HMGCLL1: variants seen among roughly 807,000 people sequenced by gnomAD.
The protein encoded by HMGCLL1 is 3-hydroxymethyl-3-methylglutaryl-CoA lyase, cytoplasmic.
A neutral mutation model predicts 39.1 loss-of-function variants in HMGCLL1; 36 were observed. The observed-to-expected ratio is 0.92, with a 90% confidence interval of 0.71 to 1.22. HMGCLL1 has a LOEUF of 1.22. HMGCLL1 is among the 50% of genes most tolerant of loss of function. The probability of loss-of-function intolerance (pLI) is 0.00; values close to 1 mark genes in which losing one functional copy is unlikely to be tolerated. For synonymous variants in HMGCLL1, 149 were observed against 144.0 expected (o/e 1.03, Z -0.25); for missense variants, 451 against 416.5 (o/e 1.08, Z -0.72).
At chr6:55,487,647 T>C (rs1475171379) in intron 7 of HMGCLL1, among the ~76,000 whole-genome samples, 3 of 152,062 alleles carry the variant, frequency 2.0e-5, no homozygotes, top group Non-Finnish European at 4.4e-5. Flanking sequence ...TATGGCTGCA[T>C]AGTATTCCAT....
chr6:55,523,554 C>G (rs1768148135), intron 3 of HMGCLL1, among the ~76,000 whole-genome samples: 1 of 151,862 alleles, frequency 6.6e-6, no homozygotes, highest in Non-Finnish European at 1.5e-5. Context: ...ATGTACAAAT[C>G]CAGGCCAGAC....
chr6:55,455,243 T>C (rs1271633285), intron 7 of HMGCLL1, among the ~76,000 whole-genome samples: 1 of 152,232 alleles, frequency 6.6e-6, no homozygotes, highest in African/African-American at 2.4e-5. Context: ...AAGACCTTGC[T>C]AGCTTGAGAC....
At chr6:55,572,831 T>C (rs1281951089) in intron 1 of HMGCLL1, among the ~76,000 whole-genome samples, 2 of 152,180 alleles carry the variant, frequency 1.3e-5, no homozygotes, top group African/African-American at 4.8e-5. Flanking sequence ...ATTAGTTGGA[T>C]AAAATATTAA....
the HMGCLL1 span, among the ~76,000 whole-genome samples, chr6:55,655,135 T>C: frequency 6.6e-6 from 1 of 151,998 alleles, no homozygotes; most frequent in Non-Finnish European, 1.5e-5. Flanking sequence ...CCAGATAAGC[T>C]ATTTTCCCAA....
chr6:55,487,394 C>T (rs1318713143), intron 7 of HMGCLL1, among the ~76,000 whole-genome samples: 1 of 151,978 alleles, frequency 6.6e-6, no homozygotes, highest in Non-Finnish European at 1.5e-5. Context: ...TTTGCTGCAC[C>T]TATCAACCCG....
intron 1 of HMGCLL1, chr6:55,577,292 T>C: frequency 7.6e-7 from 1 of 1,310,234 alleles, no homozygotes; most frequent in Non-Finnish European, 1.0e-6. Flanking sequence ...TTTTTAAAAA[T>C]TCCCGAGAAC....
At chr6:55,514,960 C>T (rs974474850) in intron 4 of HMGCLL1, among the ~76,000 whole-genome samples, 1 of 151,990 alleles carries the variant, frequency 6.6e-6, no homozygotes, top group Non-Finnish European at 1.5e-5. Context: ...CCCCCATTAA[C>T]ACATGGGGGG....
At chr6:55,662,593 G>A in the HMGCLL1 span, among the ~76,000 whole-genome samples, 22,771 of 151,510 alleles carry the variant, frequency 0.15, 2,028 homozygotes, top group Non-Finnish European at 0.2. Flanking sequence ...CAAGAATTTT[G>A]GTTGAAATTT....
intron 3 of HMGCLL1, among the ~76,000 whole-genome samples, chr6:55,520,172 A>C (rs1767963987): frequency 6.6e-6 from 1 of 151,430 alleles, no homozygotes; most frequent in East Asian, 1.9e-4. Context: ...GGGTGCAGCA[A>C]ACCATCATGG....
chr6:55,673,401 T>G, the HMGCLL1 span, among the ~76,000 whole-genome samples: 4 of 151,888 alleles, frequency 2.6e-5, no homozygotes, highest in African/African-American at 7.3e-5. Context: ...GTCCAATGAT[T>G]ACCAATATTA....
At chr6:55,455,098 C>A (rs1478310192) in intron 7 of HMGCLL1, among the ~76,000 whole-genome samples, 1 of 151,794 alleles carries the variant, frequency 6.6e-6, no homozygotes, top group Admixed American at 6.6e-5. Flanking sequence ...CAGAGTGAGA[C>A]CCCCATCTCT....
At chr6:55,471,308 G>A (rs959531001) in intron 7 of HMGCLL1, among the ~76,000 whole-genome samples, 1 of 151,240 alleles carries the variant, frequency 6.6e-6, no homozygotes, top group Non-Finnish European at 1.5e-5. Context: ...ATATGGCACA[G>A]TTTGATCCAA....
the HMGCLL1 span, among the ~76,000 whole-genome samples, chr6:55,602,371 T>C: frequency 6.6e-6 from 1 of 152,060 alleles, no homozygotes; most frequent in Non-Finnish European, 1.5e-5. Context: ...AATCTAAAAT[T>C]ACATTTTCCT....
the HMGCLL1 span, among the ~76,000 whole-genome samples, chr6:55,639,137 G>A: frequency 6.6e-6 from 1 of 151,896 alleles, no homozygotes; most frequent in Non-Finnish European, 1.5e-5. Flanking sequence ...TTGCTGCAAA[G>A]AAATGTTGAA....
the HMGCLL1 span, among the ~76,000 whole-genome samples, chr6:55,597,665 C>A: frequency 6.6e-6 from 1 of 151,824 alleles, no homozygotes; most frequent in Non-Finnish European, 1.5e-5. Context: ...GAACTACCAA[C>A]AACAATGGTA....
chr6:55,641,862 T>C, the HMGCLL1 span, among the ~76,000 whole-genome samples: 188 of 142,086 alleles, frequency 1.3e-3, no homozygotes, highest in African/African-American at 4.6e-3. Context: ...TTTCTTTTTT[T>C]TTAATTTTTT....
Position 55,477,286 on chromosome 6 carries a change from TATATAAA to T in HMGCLL1, c.795+18126_795+18132del, listed in dbSNP as rs1250113540. 8.5e-4 allele frequency among the ~76,000 whole-genome samples: 14 copies of T among 16,420 alleles called. 1 individual carries two copies. The highest frequency in any genetic ancestry group is 4.7e-3 in the South Asian group (3 of 640). The allele number at this position is 16,420 out of a possible 152,430, so 10.8% of individuals were successfully genotyped here. ...ATTATATAATATATATTATATATTA[TATATAAA>T]ATAATATATATTATATATATAATAT... is the stretch of plus-strand genomic sequence containing the variant. On this transcript the variant is annotated intron_variant, in intron 7 of 8. Transcript: ENST00000274901.
At chr6:55,678,335 A>G in the HMGCLL1 span, among the ~76,000 whole-genome samples, 1 of 152,234 alleles carries the variant, frequency 6.6e-6, no homozygotes, top group Non-Finnish European at 1.5e-5. Flanking sequence ...TCATTAGCAC[A>G]AACTTTAGTT....
In HMGCLL1 at chr6:55,489,494, T is replaced by A. The variant is rs138767025; in HGVS notation, c.795+5925A>T. ...GCCCCCAAAAGAAGAAATATTAGAC[T>A]GAGAAGAAACTAATAGTATTAATAG... On this transcript the variant is annotated intron_variant, in intron 7 of 8. Transcript: ENST00000274901. Among the ~76,000 whole-genome samples the A allele has an allele frequency of 5.5e-3, 841 of 151,958 alleles. 7 individuals carry two copies. The highest frequency in any genetic ancestry group is 0.019 in the African/African-American group (794 of 41,488).
Sources: gnomAD v4.1 joint callset for allele counts (sites outside exome capture counted in the v4.1 genomes callset) on GRCh38, gnomAD v4.1.1 for gene constraint, MANE v1.5 for transcripts, NCBI Gene and HGNC (gene_info 2026-07-23, HGNC 2026-07-21) for gene names.